The following GRIN2A variants were observed in gnomAD, a reference collection of about 807,000 sequenced individuals.
The protein encoded by GRIN2A is glutamate receptor ionotropic, NMDA 2A.
Under a neutral mutation model 113.4 loss-of-function variants are expected in GRIN2A, and 22 were observed. The observed-to-expected ratio is 0.19, with a 90% CI of 0.14 to 0.28. The LOEUF (loss-of-function observed/expected upper bound fraction) is 0.28, where lower values mean the gene tolerates loss of function less well. Ranked by LOEUF, GRIN2A falls within the 10% of genes least tolerant of loss-of-function variation. The pLI, the probability that GRIN2A is intolerant of heterozygous loss-of-function variation, is 1.00. For synonymous variants in GRIN2A, 827 were observed against 738.4 expected (o/e 1.12, Z -1.94); for missense variants, 1,502 against 1,887.0 (o/e 0.80, Z 3.78).
chr16:9,802,138 A>G (rs548671340), intron 10 of GRIN2A, among the ~76,000 whole-genome samples: 1 of 151,812 alleles, frequency 6.6e-6, no homozygotes, highest in Admixed American at 6.6e-5. Context: ...GATTAGTGCA[A>G]CCATTGTGGA....
Position 9,938,214 on chromosome 16 carries a change from T to C in GRIN2A, c.752A>G (p.Tyr251Cys). Reference protein sequence around the residue: ...SEARSLGLTGYDFFWIVPSLV... With the variant: ...SEARSLGLTGCDFFWIVPSLV... ...GCTGGGGACAATCCAGAAGAAATCA[T>C]ACCCGGTGAGGCCAAGGGAGCGGGC... Residue 251 changes from tyrosine to cysteine, a missense_variant, in exon 3 of 13, where the codon TAT becomes TGT. Around this residue, in one of 7 missense-constraint regions of GRIN2A, gnomAD observed 334 missense variants for 403.0 expected, o/e 0.83. Coordinates refer to ENST00000330684, the MANE Select transcript of GRIN2A (RefSeq NM_001134407.3). 1 of 1,614,026 alleles carries C rather than the reference T, an allele frequency of 6.2e-7. No individual in the cohort carries two copies.
At chr16:10,053,735 T>C (rs149968626) in intron 2 of GRIN2A, among the ~76,000 whole-genome samples, 3 of 152,378 alleles carry the variant, frequency 2.0e-5, no homozygotes, top group Non-Finnish European at 4.4e-5. Context: ...AAAAGAGCTG[T>C]ATTAGTTGGT....
chr16:9,918,816 T>G (rs2044303485), intron 3 of GRIN2A, among the ~76,000 whole-genome samples: 1 of 40,990 alleles, frequency 2.4e-5, no homozygotes, highest in African/African-American at 6.7e-5. Flanking sequence ...TTCTTTTGGT[T>G]GCAATGAAAA....
At position 9,898,065 on chromosome 16, in the gene GRIN2A, TTTTTTTTTTTG is replaced by T. The variant is rs916243981; in HGVS notation, c.1008-6976_1008-6966del. 3.2e-4 allele frequency among the ~76,000 whole-genome samples: 45 copies of T among 140,742 alleles called. No individual in the cohort carries two copies. The East Asian group carries it at 7.6e-3, about 24-fold the overall frequency. 92.3% of individuals were successfully genotyped at this position (140,742 alleles called of 152,430 possible). On this transcript the variant is annotated intron_variant, in intron 3 of 12. Transcript: ENST00000330684. ...TGAGCCTCCATTTCCTTTTTTTTTT[TTTTTTTTTTTG>T]CAAAAATGGATTAAGTTAAACCATA... is the stretch of plus-strand genomic sequence containing the variant.
intron 2 of GRIN2A, among the ~76,000 whole-genome samples, chr16:9,945,408 G>A (rs1474814839): frequency 6.6e-6 from 1 of 152,128 alleles, no homozygotes; most frequent in Non-Finnish European, 1.5e-5. Context: ...TCAGGGAACA[G>A]AAGGAAAGTC....
chr16:10,127,338 G>C (rs1379099412), intron 2 of GRIN2A, among the ~76,000 whole-genome samples: 1 of 152,040 alleles, frequency 6.6e-6, no homozygotes, highest in Non-Finnish European at 1.5e-5. Context: ...ATGAAAATGT[G>C]GAGCTCCTTA....
At chr16:10,022,989 A>T (rs2046753368) in intron 2 of GRIN2A, among the ~76,000 whole-genome samples, 1 of 152,240 alleles carries the variant, frequency 6.6e-6, no homozygotes, top group African/African-American at 2.4e-5. Flanking sequence ...AGATTAACAC[A>T]GGAATCTAAA....
At chr16:10,060,314 C>T (rs2142005684) in intron 2 of GRIN2A, among the ~76,000 whole-genome samples, 1 of 152,282 alleles carries the variant, frequency 6.6e-6, no homozygotes, top group South Asian at 2.1e-4. Context: ...ATGCCGGGGT[C>T]TGTGCTTCAC....
At chr16:10,147,187 T>C (rs750041292) in intron 2 of GRIN2A, among the ~76,000 whole-genome samples, 4 of 152,086 alleles carry the variant, frequency 2.6e-5, no homozygotes, top group Admixed American at 6.5e-5. Flanking sequence ...AGAGTAAATC[T>C]AGTCCCACAC....
At chr16:9,927,595 C>G (rs759069397) in intron 3 of GRIN2A, among the ~76,000 whole-genome samples, 1 of 152,192 alleles carries the variant, frequency 6.6e-6, no homozygotes. Context: ...AACTTGATTG[C>G]TACCTGCAGT....
At chr16:10,147,939 T>C (rs2049479918) in intron 2 of GRIN2A, among the ~76,000 whole-genome samples, 1 of 152,238 alleles carries the variant, frequency 6.6e-6, no homozygotes, top group South Asian at 2.1e-4. Flanking sequence ...CTGCAACCTC[T>C]GTGTTGTCAA....
intron 2 of GRIN2A, among the ~76,000 whole-genome samples, chr16:10,123,777 C>T (rs1596530436): frequency 6.6e-6 from 1 of 152,164 alleles, no homozygotes; most frequent in African/African-American, 2.4e-5. Context: ...AGCTTTCAAA[C>T]TCTGTAATCA....
chr16:10,082,278 G>T (rs1448272), intron 2 of GRIN2A, among the ~76,000 whole-genome samples: 26 of 152,244 alleles, frequency 1.7e-4, no homozygotes, highest in African/African-American at 4.3e-4. Context: ...TGGATTACCA[G>T]CCACAGCAGG....
chr16:9,879,165 C>T (rs938159787), intron 4 of GRIN2A, among the ~76,000 whole-genome samples: 4 of 151,964 alleles, frequency 2.6e-5, no homozygotes, highest in East Asian at 1.9e-4. Context: ...AGAAACTTAA[C>T]GATCATTATA....
rs921695456 is a variant in GRIN2A, at chr16:9,924,110, CAAAAAAAAAAAAAAAAA to C, written c.1007+13832_1007+13848del. On this transcript the variant is annotated intron_variant, in intron 3 of 12. Coordinates refer to ENST00000330684, the MANE Select transcript of GRIN2A (RefSeq NM_001134407.3). The stretch of plus-strand genomic sequence containing the variant: ...TGGGCAGCAGAGTGAGACTTGGTCT[CAAAAAAAAAAAAAAAAA>C]AAAAAAAAAAAACAAAAACCTCATG... 2.9e-3 allele frequency among the ~76,000 whole-genome samples: 53 copies of C among 18,208 alleles called. 1 individual carries two copies. The highest frequency in any genetic ancestry group is 6.6e-3 in the African/African-American group (50 of 7,578). The allele number at this position is 18,208 out of a possible 152,430, so 11.9% of individuals were successfully genotyped here.
At chr16:9,854,217 C>A (rs890896655) in intron 4 of GRIN2A, among the ~76,000 whole-genome samples, 5 of 152,058 alleles carry the variant, frequency 3.3e-5, no homozygotes, top group Non-Finnish European at 5.9e-5. Context: ...GCTTTGGAAT[C>A]TTGTACCCTA....
chr16:9,921,347 T>A (rs1353443636), intron 3 of GRIN2A, among the ~76,000 whole-genome samples: 1 of 152,206 alleles, frequency 6.6e-6, no homozygotes, highest in East Asian at 1.9e-4. Flanking sequence ...TTCGCAGCAT[T>A]GGAAGACGTC....
chr16:10,057,493 T>A (rs1447203051), intron 2 of GRIN2A, among the ~76,000 whole-genome samples: 1 of 152,104 alleles, frequency 6.6e-6, no homozygotes, highest in Non-Finnish European at 1.5e-5. Context: ...TATATATTTA[T>A]CAATTTTGTT....
intron 2 of GRIN2A, among the ~76,000 whole-genome samples, chr16:10,105,575 C>T (rs773418270): frequency 1.3e-5 from 2 of 152,134 alleles, no homozygotes; most frequent in African/African-American, 4.8e-5. Context: ...CCCTTATAAC[C>T]CTTAGTTTTA....
Sources: allele counts gnomAD v4.1 joint callset (sites outside exome capture counted in the v4.1 genomes callset), GRCh38; gene constraint gnomAD v4.1.1; regional missense constraint gnomAD v4.1.1; transcripts MANE v1.5; gene names NCBI Gene and HGNC (gene_info 2026-07-23, HGNC 2026-07-21).